Variants in HDAC9 observed in about 807,000 individuals in gnomAD.
HDAC9 encodes histone deacetylase 9.
In HDAC9, 41 loss-of-function variants were observed where a neutral mutation model predicts 139.4. The observed-to-expected ratio is 0.29, with a 90% confidence interval of 0.23 to 0.38. The LOEUF (loss-of-function observed/expected upper bound fraction) is 0.38, where lower values mean the gene tolerates loss of function less well. Ranked by LOEUF, HDAC9 falls within the 10% of genes least tolerant of loss-of-function variation. HDAC9 has a pLI of 1.00. For synonymous variants in HDAC9, 517 were observed against 476.2 expected, an observed-to-expected ratio of 1.09 and a Z score of -1.12; for missense variants, 1,147 against 1,297.0, an observed-to-expected ratio of 0.88 and a Z score of 1.78.
intron 2 of HDAC9, among the ~76,000 whole-genome samples, chr7:18,548,656 A>G (rs1025698378): frequency 2.0e-5 from 3 of 152,234 alleles, no homozygotes; most frequent in Non-Finnish European, 4.4e-5. Context: ...TCTAAAATGT[A>G]TAAATAACTC....
chr7:18,125,891 C>T (rs749603460), intron 1 of HDAC9, among the ~76,000 whole-genome samples: 5 of 152,136 alleles, frequency 3.3e-5, no homozygotes, highest in Non-Finnish European at 7.4e-5. Flanking sequence ...TGAAAACACT[C>T]TTACTTTGTA....
At chr7:18,609,022 G>A (rs1395379756) in intron 6 of HDAC9, among the ~76,000 whole-genome samples, 1 of 152,038 alleles carries the variant, frequency 6.6e-6, no homozygotes, top group Non-Finnish European at 1.5e-5. Context: ...TATTTTTTTG[G>A]TTGTAAGCCT....
chr7:18,286,143 C>T (rs1004729737), upstream of HDAC9, among the ~76,000 whole-genome samples: 4 of 151,928 alleles, frequency 2.6e-5, no homozygotes, highest in South Asian at 8.3e-4. Flanking sequence ...TAAACTTGAA[C>T]ACATATTTAA....
chr7:18,732,175 A>G (rs952563149), intron 13 of HDAC9, among the ~76,000 whole-genome samples: 2 of 152,266 alleles, frequency 1.3e-5, no homozygotes, highest in Middle Eastern at 3.4e-3. Context: ...TAACTGTTAT[A>G]TATTAATTGA....
chr7:18,111,440 G>C lies in HDAC9; in HGVS notation c.-97+24227G>C, dbSNP rs140865800. Among the ~76,000 whole-genome samples the C allele has an allele frequency of 2.8e-4, 42 of 152,322 alleles. 1 individual carries two copies. In the East Asian group the frequency reaches 8.1e-3, roughly 29 times the overall value. On this transcript the variant is annotated intron_variant, in intron 1 of 12. Coordinates refer to the HDAC9 transcript ENST00000417496. ...AGTCCTAAAATGAAGCTGGAAAAGA[G>C]TGGCAGAGTATCACTGCCCCTCGGT...
intron 1 of HDAC9, among the ~76,000 whole-genome samples, chr7:18,440,189 C>T (rs867067619): frequency 1.9e-3 from 244 of 129,896 alleles, no homozygotes; most frequent in African/African-American, 1.9e-3. Flanking sequence ...TTTTTTTTTT[C>T]TTTTTTTTTT....
chr7:18,202,251 A>C (rs2128160270), intron 2 of HDAC9, among the ~76,000 whole-genome samples: 1 of 152,332 alleles, frequency 6.6e-6, no homozygotes, highest in South Asian at 2.1e-4. Context: ...AGGTTTCTAT[A>C]GGTTTCACTA....
Position 18,334,656 on chromosome 7 carries a change from T to C in HDAC9, c.-42+44141T>C, listed in dbSNP as rs926321604. On this transcript the variant is annotated intron_variant, in intron 1 of 3. Transcript: ENST00000413509. ...TCCAGAAACTCCACTCAAATAGTAA[T>C]AAGAATTTAAATTATGAATGCACAG... Among the ~76,000 whole-genome samples the C allele has an allele frequency of 4.0e-5, 6 of 151,430 alleles. No individual in the cohort carries two copies. The Admixed American group carries it at 4.0e-4, about 10-fold the overall frequency.
chr7:18,625,279 C>T (rs1841364950), intron 6 of HDAC9, among the ~76,000 whole-genome samples: 1 of 152,140 alleles, frequency 6.6e-6, no homozygotes, highest in African/African-American at 2.4e-5. Context: ...TTCTTTTCTT[C>T]CCTTACCCTT....
chr7:18,920,830 A>G (rs1251479443), intron 22 of HDAC9, among the ~76,000 whole-genome samples: 3 of 152,092 alleles, frequency 2.0e-5, no homozygotes, highest in Middle Eastern at 3.4e-3. Context: ...AGCCTTGTAT[A>G]CCAGGGATGA....
intron 22 of HDAC9, among the ~76,000 whole-genome samples, chr7:18,906,084 C>G (rs1381824594): frequency 6.6e-6 from 1 of 150,378 alleles, no homozygotes; most frequent in Non-Finnish European, 1.5e-5. Flanking sequence ...TCTCATTGAC[C>G]CATAACCTCT....
chr7:18,523,768 A>G (rs1011970778), intron 2 of HDAC9, among the ~76,000 whole-genome samples: 1 of 152,196 alleles, frequency 6.6e-6, no homozygotes, highest in African/African-American at 2.4e-5. Flanking sequence ...ACCATCACAT[A>G]GAGTAGTTAG....
At chr7:18,492,265 G>A (rs1005839363), upstream of HDAC9, among the ~76,000 whole-genome samples, 8 of 151,928 alleles carry the variant, frequency 5.3e-5, no homozygotes, top group Non-Finnish European at 1.0e-4. Flanking sequence ...CAGGATTATG[G>A]CATGTGGGAT....
chr7:18,937,650 A>T (rs952865668), intron 23 of HDAC9, among the ~76,000 whole-genome samples: 5 of 152,204 alleles, frequency 3.3e-5, no homozygotes, highest in African/African-American at 1.2e-4. Flanking sequence ...ATTTGATTTT[A>T]ATTATAGAAA....
At chr7:18,348,880 G>A (rs1003108792) in intron 1 of HDAC9, among the ~76,000 whole-genome samples, 3 of 152,136 alleles carry the variant, frequency 2.0e-5, no homozygotes, top group Non-Finnish European at 2.9e-5. Flanking sequence ...CACAGTAGTA[G>A]TGCAGTTTAG....
At chr7:18,186,414 G>A (rs1378570488) in intron 2 of HDAC9, among the ~76,000 whole-genome samples, 2 of 152,246 alleles carry the variant, frequency 1.3e-5, no homozygotes, top group South Asian at 2.1e-4. Context: ...CGCTGGCACC[G>A]GACTTGTGGT....
intron 17 of HDAC9, among the ~76,000 whole-genome samples, chr7:18,816,168 C>T (rs953015154): frequency 9.2e-5 from 14 of 152,214 alleles, no homozygotes; most frequent in African/African-American, 3.4e-4. Context: ...CTTTCCCTTT[C>T]TCATAAAGAT....
intron 2 of HDAC9, among the ~76,000 whole-genome samples, chr7:18,216,127 TGTGAGAGA>T (rs1381609730): frequency 7.6e-6 from 1 of 131,882 alleles, no homozygotes; most frequent in African/African-American, 3.0e-5. Flanking sequence ...TGTGTGTGTG[TGTGAGAGA>T]GAGAGAGAGA....
intron 22 of HDAC9, among the ~76,000 whole-genome samples, chr7:18,911,334 A>C (rs1256706270): frequency 1.3e-5 from 2 of 151,220 alleles, no homozygotes; most frequent in African/African-American, 4.9e-5. Flanking sequence ...GTCAGTTGTA[A>C]TGTCTTGTCA....
Sources: gnomAD v4.1 joint callset for allele counts (sites outside exome capture counted in the v4.1 genomes callset) on GRCh38, gnomAD v4.1.1 for gene constraint, MANE v1.5 for transcripts, NCBI Gene and HGNC (gene_info 2026-07-23, HGNC 2026-07-21) for gene names.